The following COMMD7 variants were observed in gnomAD, a reference collection of about 807,000 sequenced individuals.
The protein encoded by COMMD7 is COMM domain containing 7.
In COMMD7, 28 loss-of-function variants were observed where a neutral mutation model predicts 34.8. The ratio of observed to expected loss-of-function variants is 0.80; its 90% CI spans 0.60 to 1.10. The LOEUF (loss-of-function observed/expected upper bound fraction) is 1.10. Ranked by LOEUF, COMMD7 falls within the 50% of genes least tolerant of loss-of-function variation. The pLI, the probability that COMMD7 is intolerant of heterozygous loss-of-function variation, is 0.00. For synonymous variants in COMMD7, 80 were observed against 86.4 expected, an observed-to-expected ratio of 0.93 and a Z score of 0.41; for missense variants, 211 against 241.6, an observed-to-expected ratio of 0.87 and a Z score of 0.84.
intron 3 of COMMD7, among the ~76,000 whole-genome samples, chr20:32,725,484 A>T (rs1985454493): frequency 7.2e-6 from 1 of 138,944 alleles, no homozygotes; most frequent in Non-Finnish European, 1.5e-5. Context: ...GCTGGAGTGC[A>T]GTGGCACGGT....
intron 8 of COMMD7, 199 bp from the exon 9 acceptor site, chr20:32,703,657 GGAGT>G: frequency 7.0e-7 from 1 of 1,436,574 alleles, no homozygotes; most frequent in Non-Finnish European, 9.1e-7. Context: ...AAAAAAAAGG[GGAGT>G]GAGTGTTCAA....
rs1984098689 is a variant in COMMD7, at chr20:32,706,632, C to T, written c.299-12G>A. On this transcript the variant is annotated splice_polypyrimidine_tract_variant and intron_variant, in intron 4 of 8. Transcript: ENST00000278980. ...CTCCTCACTAAGACCTATAAGAGAA[C>T]AGAAGGAGATATTAACATAATAAAA... The T allele has an allele frequency of 1.9e-6, 3 of 1,611,580 alleles. No individual in the cohort carries two copies. Among genetic ancestry groups the T allele is most frequent in the South Asian group, 1.1e-5 (1 of 91,018 alleles).
intron 1 of COMMD7, 55 bp from the exon 2 acceptor site, chr20:32,728,197 GC>G (rs1323295490): frequency 1.9e-6 from 3 of 1,560,314 alleles, no homozygotes; most frequent in African/African-American, 2.7e-5. Flanking sequence ...GGGTCAGCAT[GC>G]CCCACCCCAG....
chr20:32,729,106 A>AG (rs1985692693), intron 1 of COMMD7, among the ~76,000 whole-genome samples: 1 of 151,928 alleles, frequency 6.6e-6, no homozygotes, highest in African/African-American at 2.4e-5. Flanking sequence ...TAGATGATAA[A>AG]GGTTAAATGA....
At chr20:32,737,379 A>AAAAAG (rs1387669938) in intron 1 of COMMD7, among the ~76,000 whole-genome samples, 3 of 101,622 alleles carry the variant, frequency 3.0e-5, no homozygotes, top group Non-Finnish European at 4.0e-5. Flanking sequence ...CAAAAAAAAA[A>AAAAAG]GATAAGCCAG....
At chr20:32,719,012 T>C (rs950825126) in intron 3 of COMMD7, among the ~76,000 whole-genome samples, 1 of 152,140 alleles carries the variant, frequency 6.6e-6, no homozygotes, top group Non-Finnish European at 1.5e-5. Context: ...TCTAACAAAC[T>C]GTACTTCTAC....
At chr20:32,708,550 A>G (rs1023479413) in intron 3 of COMMD7, among the ~76,000 whole-genome samples, 1 of 152,202 alleles carries the variant, frequency 6.6e-6, no homozygotes. Flanking sequence ...TTCCCAGCCA[A>G]TCCAAATAAC....
rs745789344 is a variant in COMMD7 at position 32,706,732 on chromosome 20, C to T, written c.270G>A (p.Lys90=). ...GAGTTATGAAATCCGCCTGGACCTGCTTGGCTGTGAGACTCTTCTTCAAAG... is the reference window on the plus strand; with the variant it reads ...GAGTTATGAAATCCGCCTGGACCTGTTTGGCTGTGAGACTCTTCTTCAAAG... ...NGALKKSLTA[K]QVQADFITLG... The change falls in exon 4 of 9, where the codon AAG becomes AAA. Residue 90 remains lysine, a synonymous_variant. Coordinates refer to ENST00000278980, the MANE Select transcript of COMMD7 (RefSeq NM_053041.3). The T allele has an allele frequency of 6.2e-7, 1 of 1,613,868 alleles. No individual in the cohort carries two copies. Among genetic ancestry groups the T allele is most frequent in the Non-Finnish European group, 8.5e-7 (1 of 1,179,978 alleles).
At chr20:32,719,078 G>A (rs1421140864) in intron 3 of COMMD7, among the ~76,000 whole-genome samples, 2 of 152,274 alleles carry the variant, frequency 1.3e-5, no homozygotes, top group Non-Finnish European at 2.9e-5. Flanking sequence ...CACTGATGAG[G>A]GCCTGGAGGC....
At chr20:32,711,395 TA>T (rs771659068) in intron 3 of COMMD7, among the ~76,000 whole-genome samples, 12 of 40,678 alleles carry the variant, frequency 3.0e-4, no homozygotes, top group Admixed American at 1.0e-3. Context: ...AGACTCTGTC[TA>T]AAAAAAAAAA....
chr20:32,712,860 T>A (rs1305568634), intron 3 of COMMD7, among the ~76,000 whole-genome samples: 2 of 149,408 alleles, frequency 1.3e-5, no homozygotes, highest in African/African-American at 4.9e-5. Context: ...CAAGTGATTC[T>A]CCTGCCTCAC....
At chr20:32,737,605 GATC>G (rs1986209251) in intron 1 of COMMD7, among the ~76,000 whole-genome samples, 1 of 127,444 alleles carries the variant, frequency 7.8e-6, no homozygotes, top group Non-Finnish European at 1.8e-5. Context: ...GAGGTGGGAG[GATC>G]CCTTAAGGCC....
At position 32,743,388 on chromosome 20, in the gene COMMD7, C is replaced by A; in HGVS notation, c.4G>T (p.Gly2Cys). M[G>C]RLHCTEDPVP... Reference sequence around the variant, plus strand: ...GGGTCCTCAGTGCAGTGCAGGCGGCCCATGGCGCGCGCCCCAGCCCCGCAG... The same window carrying A: ...GGGTCCTCAGTGCAGTGCAGGCGGCACATGGCGCGCGCCCCAGCCCCGCAG... Residue 2 changes from glycine (G) to cysteine (C), a missense_variant, in exon 1 of 9, where the codon GGC becomes TGC. By Grantham distance (159) the Gly-to-Cys change is radical. Transcript: ENST00000278980. 7.2e-7 allele frequency: 1 copy of A among 1,393,544 alleles called. No individual in the cohort carries two copies. The allele number at this position is 1,393,544 out of a possible 1,614,324, so 86.3% of individuals were successfully genotyped here. A position where few individuals can be genotyped will look rare whatever the true frequency, so the allele number is the denominator to read the frequency against.
In COMMD7 at chr20:32,704,885, G is replaced by A. The variant is rs1983972726; in HGVS notation, c.356C>T (p.Thr119Ile). Reference protein sequence around the residue: ...FSEKWKQNAPTLARWAIGQTL... With the variant: ...FSEKWKQNAPILARWAIGQTL... ...CTGACCTATGGCCCATCGAGCAAGG[G>A]TGGGAGCATTCTGCTTCCACTGGAA... The change falls in exon 6 of 9, where the codon ACC becomes ATC. Residue 119 changes from threonine to isoleucine, a missense_variant. Physicochemically the swap from Thr to Ile is moderately conservative, Grantham distance 89. Transcript: ENST00000278980. The A allele has an allele frequency of 1.9e-6, 3 of 1,613,882 alleles. No individual in the cohort carries two copies. Among genetic ancestry groups the A allele is most frequent in the Non-Finnish European group, 2.5e-6 (3 of 1,179,844 alleles).
chr20:32,714,849 A>AACAACAACC (rs1156904941), intron 3 of COMMD7, among the ~76,000 whole-genome samples: 1 of 150,532 alleles, frequency 6.6e-6, no homozygotes, highest in Non-Finnish European at 1.5e-5. Flanking sequence ...CAACAACAAC[A>AACAACAACC]ACAACAAAAA....
intron 1 of COMMD7, among the ~76,000 whole-genome samples, chr20:32,733,488 G>A (rs1285398631): frequency 6.6e-6 from 1 of 152,098 alleles, no homozygotes; most frequent in African/African-American, 2.4e-5. Flanking sequence ...GGAGGCCGAG[G>A]CGGGCAGATC....
At chr20:32,736,715 G>A (rs934777864) in intron 1 of COMMD7, among the ~76,000 whole-genome samples, 1 of 151,226 alleles carries the variant, frequency 6.6e-6, no homozygotes, top group Admixed American at 6.6e-5. Flanking sequence ...AACCAATAAA[G>A]GTAAAGGTTT....
chr20:32,733,214 C>CA (rs950538788), intron 1 of COMMD7, among the ~76,000 whole-genome samples: 15 of 150,208 alleles, frequency 1.0e-4, no homozygotes, highest in African/African-American at 2.0e-4. Flanking sequence ...GACTCCATCT[C>CA]AAAAAAAAAG....
chr20:32,705,374 A>AT (rs1234273709), intron 5 of COMMD7, among the ~76,000 whole-genome samples: 110 of 93,198 alleles, frequency 1.2e-3, no homozygotes, highest in African/African-American at 3.9e-3. Context: ...ATATATATAT[A>AT]TATTTTTTTT....
Sources: allele counts gnomAD v4.1 joint callset (sites outside exome capture counted in the v4.1 genomes callset), GRCh38; gene constraint gnomAD v4.1.1; transcripts MANE v1.5; gene names NCBI Gene and HGNC (gene_info 2026-07-23, HGNC 2026-07-21).